Variants in MVB12B observed in about 807,000 individuals in gnomAD.
MVB12B encodes multivesicular body subunit 12B, also known as ESCRT-I complex subunit MVB12B.
MVB12B carries 16 observed loss-of-function variants against 41.6 expected under a neutral mutation model. The ratio of observed to expected loss-of-function variants is 0.38; its 90% CI spans 0.26 to 0.58. The LOEUF (loss-of-function observed/expected upper bound fraction) is 0.58. MVB12B is among the 20% of genes least tolerant of loss of function. The pLI is 0.62. For synonymous variants in MVB12B, 133 were observed against 139.7 expected (o/e 0.95, Z 0.34); for missense variants, 274 against 380.2 (o/e 0.72, Z 2.32).
At chr9:126,418,202 C>G (rs958330100) in intron 6 of MVB12B, among the ~76,000 whole-genome samples, 1 of 150,804 alleles carries the variant, frequency 6.6e-6, no homozygotes, top group Non-Finnish European at 1.5e-5. Context: ...TCATCTCCAA[C>G]GAGGGAAGAG....
At position 126,359,376 on chromosome 9, in the gene MVB12B, A is replaced by G. The variant is rs575412198; in HGVS notation, c.204+18746A>G. On this transcript the variant is annotated intron_variant, in intron 2 of 9. Transcript: ENST00000361171. The stretch of plus-strand genomic sequence containing the variant: ...ATATGGATTGGTCTGTGGTTTTCTT[A>G]TAATATCTGGTTTTAGTATTAGGGT... Among the ~76,000 whole-genome samples, 4 of 152,290 alleles carry G rather than the reference A, an allele frequency of 2.6e-5. No homozygotes were observed. In the South Asian group the frequency reaches 8.3e-4, roughly 32 times the overall value.
chr9:126,416,640 A>C (rs1043116550), intron 6 of MVB12B, among the ~76,000 whole-genome samples: 2 of 152,122 alleles, frequency 1.3e-5, no homozygotes, highest in Non-Finnish European at 2.9e-5. Context: ...CATAGCGATA[A>C]CCACCTCCGG....
intron 6 of MVB12B, among the ~76,000 whole-genome samples, chr9:126,410,414 CTT>C (rs1384699221): frequency 6.6e-6 from 1 of 152,156 alleles, no homozygotes; most frequent in Non-Finnish European, 1.5e-5. Context: ...AGCTGTGTGA[CTT>C]TGGGTGAGTT....
chr9:126,410,172 T>C (rs971628574), intron 6 of MVB12B, among the ~76,000 whole-genome samples: 5 of 127,564 alleles, frequency 3.9e-5, no homozygotes, highest in Admixed American at 7.9e-5. Context: ...TGTGTGTGTG[T>C]GCACGCATGC....
At chr9:126,371,242 C>T (rs1830328207) in intron 2 of MVB12B, among the ~76,000 whole-genome samples, 1 of 152,228 alleles carries the variant, frequency 6.6e-6, no homozygotes, top group South Asian at 2.1e-4. Context: ...AGGTCCAGGG[C>T]CGTGTCATAG....
chr9:126,361,765 T>A (rs1830035620), intron 2 of MVB12B, among the ~76,000 whole-genome samples: 1 of 152,100 alleles, frequency 6.6e-6, no homozygotes, highest in African/African-American at 2.4e-5. Context: ...ATACAAAAAA[T>A]TAGCTGGGTG....
chr9:126,449,320 G>A (rs1588182361), intron 7 of MVB12B, among the ~76,000 whole-genome samples: 1 of 152,202 alleles, frequency 6.6e-6, no homozygotes, highest in Non-Finnish European at 1.5e-5. Context: ...CTCGGTGGCC[G>A]CAAGCACGTA....
chr9:126,326,945 T>C lies in MVB12B; in HGVS notation c.16T>C (p.Cys6Arg). Residue 6 changes from cysteine (C) to arginine (R), a missense_variant, in exon 1 of 10, where the codon TGC becomes CGC. Cys to Arg is a radical substitution (Grantham distance 180, BLOSUM62 -3). Transcript: ENST00000361171. MRSCF[C>R]VRRSRDPPPP... ...CGCCCGGGCGATGAGAAGCTGCTTC[T>C]GCGTGAGACGGAGCCGGGACCCGCC... 3.7e-6 allele frequency: 1 copy of C among 271,290 alleles called. No individual in the cohort carries two copies. Among genetic ancestry groups the C allele is most frequent in the Non-Finnish European group, 7.4e-6 (1 of 135,280 alleles). 16.8% of individuals were successfully genotyped at this position (271,290 alleles called of 1,614,324 possible).
intron 7 of MVB12B, among the ~76,000 whole-genome samples, chr9:126,479,260 C>T (rs748323690): frequency 2.0e-5 from 3 of 152,110 alleles, no homozygotes; most frequent in Non-Finnish European, 4.4e-5. Context: ...CTAAAATGAT[C>T]GGAAGTGTTA....
chr9:126,462,615 G>A (rs117394675), intron 7 of MVB12B, among the ~76,000 whole-genome samples: 1,661 of 152,326 alleles, frequency 0.011, 23 homozygotes, highest in South Asian at 0.02. Context: ...CTCTGCGCTC[G>A]TTATTTCAAC....
chr9:126,501,653 G>A (rs1833961252), intron 9 of MVB12B, among the ~76,000 whole-genome samples: 1 of 152,240 alleles, frequency 6.6e-6, no homozygotes, highest in African/African-American at 2.4e-5. Context: ...GCTGTGACTT[G>A]CTGGCTGCCA....
At chr9:126,423,181 G>A (rs567045369) in intron 7 of MVB12B, among the ~76,000 whole-genome samples, 7 of 152,342 alleles carry the variant, frequency 4.6e-5, no homozygotes, top group South Asian at 4.1e-4. Context: ...CCAGCAGGGC[G>A]CCCCCATTCA....
chr9:126,381,506 T>G (rs754933866), intron 3 of MVB12B, among the ~76,000 whole-genome samples: 11 of 152,134 alleles, frequency 7.2e-5, no homozygotes, highest in Non-Finnish European at 1.3e-4. Flanking sequence ...TGGAGCGGGA[T>G]TTAATGCTGG....
chr9:126,388,729 TG>T (rs1391184666), intron 4 of MVB12B, among the ~76,000 whole-genome samples: 2 of 152,202 alleles, frequency 1.3e-5, no homozygotes. Context: ...GTCATCTTAG[TG>T]GGTGTGAAAT....
At chr9:126,338,565 C>CAAAAAAAAAAAAAAAAA (rs1829351886) in intron 1 of MVB12B, among the ~76,000 whole-genome samples, 1 of 128,126 alleles carries the variant, frequency 7.8e-6, no homozygotes. Flanking sequence ...TAGTAGAGGC[C>CAAAAAAAAAAAAAAAAA]ATACTATCTT....
chr9:126,491,703 C>T lies in MVB12B; in HGVS notation c.873+7671C>T, dbSNP rs866430881. Among the ~76,000 whole-genome samples the T allele has an allele frequency of 2.6e-5, 4 of 152,118 alleles. 1 individual carries two copies. The South Asian group carries it at 8.3e-4, about 32-fold the overall frequency. ...CCCTTTAATATATTGCTAAAAGACA[C>T]AAAACTATCACCCAAATTCCTACAG... On this transcript the variant is annotated intron_variant, in intron 9 of 9. Coordinates refer to ENST00000361171, the MANE Select transcript of MVB12B (RefSeq NM_033446.3).
chr9:126,421,588 G>A (rs1178058799), intron 6 of MVB12B, among the ~76,000 whole-genome samples: 1 of 152,186 alleles, frequency 6.6e-6, no homozygotes, highest in Non-Finnish European at 1.5e-5. Flanking sequence ...CCCGCTGTAA[G>A]GCTTGGGACA....
At chr9:126,368,089 C>T (rs1354552210) in intron 2 of MVB12B, among the ~76,000 whole-genome samples, 1 of 152,204 alleles carries the variant, frequency 6.6e-6, no homozygotes, top group Non-Finnish European at 1.5e-5. Context: ...TCCGATGCAA[C>T]GCCGATACTT....
chr9:126,374,871 C>G (rs568758470), intron 2 of MVB12B, among the ~76,000 whole-genome samples: 36 of 152,224 alleles, frequency 2.4e-4, no homozygotes, highest in Non-Finnish European at 8.8e-5. Flanking sequence ...TTCCCCAGCT[C>G]TCTTTCAAAG....
Sources: allele counts gnomAD v4.1 joint callset (sites outside exome capture counted in the v4.1 genomes callset), GRCh38; gene constraint gnomAD v4.1.1; transcripts MANE v1.5; gene names NCBI Gene and HGNC (gene_info 2026-07-23, HGNC 2026-07-21).